Variants in MED13L observed in about 807,000 individuals in gnomAD.
MED13L encodes mediator of RNA polymerase II transcription subunit 13-like.
A neutral mutation model predicts 220.9 loss-of-function variants in MED13L; 7 were observed. The observed-to-expected ratio is 0.03, with a 90% CI of 0.02 to 0.06. The LOEUF (loss-of-function observed/expected upper bound fraction) is 0.06. Ranked by LOEUF, MED13L falls within the 10% of genes least tolerant of loss-of-function variation. The pLI, the probability that MED13L is intolerant of heterozygous loss-of-function variation, is 1.00. For missense variants in MED13L, 1,965 were observed against 2,760.5 expected (o/e 0.71, Z 6.46); for synonymous variants, 1,011 against 1,015.2 (o/e 1.00, Z 0.08).
Position 116,005,986 on chromosome 12 carries a change from C to T in MED13L, c.2352G>A (p.Arg784=), listed in dbSNP as rs1226259653. Residue 784 remains arginine (R), a synonymous_variant, in exon 13 of 31, where the codon CGG becomes CGA. Coordinates refer to ENST00000281928, the MANE Select transcript of MED13L (RefSeq NM_015335.5). ...CAGCTCTGCCAGCAGCATTATCCTG[C>T]CGGACATCTGTAGGAAAGGAGGCAA... ...IFSSATKTDV[R]QDNAAGRAGS... 6.2e-7 allele frequency: 1 copy of T among 1,613,892 alleles called. No homozygotes were observed. The highest frequency in any genetic ancestry group is 8.5e-7 in the Non-Finnish European group (1 of 1,179,860).
At chr12:116,167,405 T>C (rs1428365209) in intron 2 of MED13L, among the ~76,000 whole-genome samples, 1 of 152,196 alleles carries the variant, frequency 6.6e-6, no homozygotes, top group Non-Finnish European at 1.5e-5. Context: ...ATGTAACAAT[T>C]GACAGGCCAG....
chr12:116,096,922 T>G (rs1310692857), intron 3 of MED13L, among the ~76,000 whole-genome samples, 170 bp from the exon 4 acceptor site: 6 of 152,150 alleles, frequency 3.9e-5, no homozygotes, highest in Admixed American at 2.0e-4. Flanking sequence ...GAAAGAACTC[T>G]GGGACACTGG....
chr12:115,982,999 G>A, intron 21 of MED13L, 118 bp downstream of exon 21: 2 of 1,150,452 alleles, frequency 1.7e-6, no homozygotes, highest in Non-Finnish European at 2.5e-6. Context: ...TTTGAGAAGA[G>A]AAATAGAGCA....
In MED13L at chr12:115,961,094, G is replaced by T; in HGVS notation, c.*172C>A. 1.1e-6 allele frequency: 1 copy of T among 874,788 alleles called. No homozygotes were observed. Among genetic ancestry groups the T allele is most frequent in the Non-Finnish European group, 1.8e-6 (1 of 554,418 alleles). 54.2% of individuals were successfully genotyped at this position (874,788 alleles called of 1,614,324 possible). A position where few individuals can be genotyped will look rare whatever the true frequency, so the allele number is the denominator to read the frequency against. On this transcript the variant is annotated 3_prime_UTR_variant, in exon 31 of 31. Coordinates refer to ENST00000281928, the MANE Select transcript of MED13L (RefSeq NM_015335.5). ...GAGAGAAGTGTCAAGGAGTCACTCTGGTAATGAACACTGCAGAATTGACAT... is the reference window on the plus strand; with the variant it reads ...GAGAGAAGTGTCAAGGAGTCACTCTTGTAATGAACACTGCAGAATTGACAT...
At chr12:116,066,518 C>T (rs981161826) in intron 4 of MED13L, among the ~76,000 whole-genome samples, 2 of 152,116 alleles carry the variant, frequency 1.3e-5, no homozygotes, top group Admixed American at 1.3e-4. Flanking sequence ...TATTGTGCTA[C>T]TTTAAGGTAT....
At chr12:116,108,022 G>A (rs1007004482) in intron 3 of MED13L, among the ~76,000 whole-genome samples, 5 of 151,922 alleles carry the variant, frequency 3.3e-5, no homozygotes, top group South Asian at 2.1e-4. Flanking sequence ...CCTGGGAGGC[G>A]GAGGTTGCAG....
intron 2 of MED13L, among the ~76,000 whole-genome samples, chr12:116,190,863 G>A (rs1241039811): frequency 1.3e-5 from 2 of 152,040 alleles, no homozygotes; most frequent in East Asian, 3.9e-4. Flanking sequence ...AGGCCAAGGC[G>A]GGTGGATCAC....
chr12:116,175,137 TAAGAAAAAAAAGAGTATTA>T (rs1260826224), intron 2 of MED13L, among the ~76,000 whole-genome samples: 2 of 151,894 alleles, frequency 1.3e-5, no homozygotes, highest in Non-Finnish European at 2.9e-5. Context: ...AAAAATAATT[TAAGAAAAAAAAGAGTATTA>T]AGACTCCATA....
chr12:116,032,270 A>G (rs1035895149), intron 4 of MED13L, among the ~76,000 whole-genome samples: 1 of 152,234 alleles, frequency 6.6e-6, no homozygotes, highest in African/African-American at 2.4e-5. Flanking sequence ...TCTAAAATTC[A>G]TATAGAACAC....
chr12:116,149,324 A>C (rs1436899473), intron 2 of MED13L, among the ~76,000 whole-genome samples: 1 of 152,248 alleles, frequency 6.6e-6, no homozygotes, highest in Admixed American at 6.5e-5. Flanking sequence ...AAGGCTGATC[A>C]GAAGGAATTG....
chr12:116,084,406 G>A (rs563083193), intron 4 of MED13L, among the ~76,000 whole-genome samples: 39 of 152,258 alleles, frequency 2.6e-4, no homozygotes, highest in African/African-American at 9.1e-4. Context: ...AGTTGCAAAC[G>A]TAAAAGTATA....
At chr12:115,987,326 G>T in intron 17 of MED13L, 38 bp from the exon 18 acceptor site, 3 of 1,568,886 alleles carry the variant, frequency 1.9e-6, no homozygotes, top group East Asian at 2.3e-5. Context: ...AAGATAAGGG[G>T]GCTAGCACCC....
At chr12:116,244,382 ATT>A (rs1344555254) in intron 1 of MED13L, among the ~76,000 whole-genome samples, 2 of 152,188 alleles carry the variant, frequency 1.3e-5, no homozygotes, top group Non-Finnish European at 2.9e-5. Context: ...CAAGAAAAAC[ATT>A]TGTTTCATTG....
At chr12:116,070,859 G>C (rs1041447102) in intron 4 of MED13L, among the ~76,000 whole-genome samples, 6 of 152,172 alleles carry the variant, frequency 3.9e-5, no homozygotes, top group Non-Finnish European at 8.8e-5. Context: ...TGAGTGCCTA[G>C]ATTTTCTCTT....
chr12:116,209,865 C>T (rs1197042656), intron 2 of MED13L, among the ~76,000 whole-genome samples: 1 of 152,186 alleles, frequency 6.6e-6, no homozygotes, highest in African/African-American at 2.4e-5. Flanking sequence ...TTCTTCCAAG[C>T]GGTCCTAACC....
chr12:116,274,226 T>C (rs1044092558), intron 1 of MED13L, among the ~76,000 whole-genome samples: 2 of 152,030 alleles, frequency 1.3e-5, no homozygotes, highest in Non-Finnish European at 2.9e-5. Context: ...AGAAAATAAG[T>C]AAAAGACTAG....
At chr12:116,085,754 T>TCACACACACACACA (rs10611880) in intron 4 of MED13L, among the ~76,000 whole-genome samples, 3 of 147,018 alleles carry the variant, frequency 2.0e-5, no homozygotes, top group African/African-American at 5.0e-5. Flanking sequence ...TTAAAATCAC[T>TCACACACACACACA]CACACACACA....
At position 116,029,252 on chromosome 12, in the gene MED13L, A is replaced by G. The variant is rs2137479674; in HGVS notation, c.480-6651T>C. On this transcript the variant is annotated intron_variant, in intron 4 of 30. Transcript: ENST00000281928. ...TCAGAGAAAAGCTTCTCTGAAAAAA[A>G]AAAAAGGGGGGGGAGGGAAGCATTT... 2.0e-5 allele frequency among the ~76,000 whole-genome samples: 3 copies of G among 151,542 alleles called. No individual in the cohort carries two copies. The East Asian group carries it at 5.8e-4, about 29-fold the overall frequency.
intron 4 of MED13L, among the ~76,000 whole-genome samples, chr12:116,034,962 G>A (rs566244173): frequency 3.9e-5 from 6 of 152,082 alleles, no homozygotes; most frequent in Non-Finnish European, 5.9e-5. Flanking sequence ...CCGAGATCGC[G>A]CCACTGCACT....
Sources: allele counts gnomAD v4.1 joint callset (sites outside exome capture counted in the v4.1 genomes callset), GRCh38; gene constraint gnomAD v4.1.1; transcripts MANE v1.5; gene names NCBI Gene and HGNC (gene_info 2026-07-23, HGNC 2026-07-21).